Variants in BCAS3 observed in about 807,000 individuals in gnomAD.
BCAS3 encodes the protein BCAS4/BCAS3 fusion.
BCAS3 carries 53 observed loss-of-function variants against 116.1 expected under a neutral mutation model. The ratio of observed to expected loss-of-function variants is 0.46; its 90% CI spans 0.37 to 0.57. The LOEUF (loss-of-function observed/expected upper bound fraction) is 0.57, where lower values mean the gene tolerates loss of function less well. Among genes scored for constraint, BCAS3 ranks in the 20% least tolerant of loss-of-function variants. The probability of loss-of-function intolerance (pLI) is 0.00; values close to 1 mark genes in which losing one functional copy is unlikely to be tolerated. For missense variants in BCAS3, 917 were observed against 1,165.4 expected (o/e 0.79, Z 3.10); for synonymous variants, 391 against 408.2 (o/e 0.96, Z 0.51).
At chr17:60,943,930 A>G (rs1323254797) in intron 13 of BCAS3, among the ~76,000 whole-genome samples, 1 of 152,130 alleles carries the variant, frequency 6.6e-6, no homozygotes, top group Non-Finnish European at 1.5e-5. Flanking sequence ...AACATTTAAA[A>G]CTGAATATAA....
In BCAS3 at chr17:61,307,504, A is replaced by G. The variant is rs2053943494; in HGVS notation, c.2426-60823A>G. On this transcript the variant is annotated intron_variant, in intron 22 of 23. Coordinates refer to ENST00000407086, the MANE Select transcript of BCAS3 (RefSeq NM_017679.5). The surrounding 1 kb of genome is among the most constrained non-coding windows in gnomAD (Gnocchi z 4.7). ...TTCACTAGCTTTTAACCAACATGTA[A>G]GCACTCCCCTTTAAACTGTGTCTTC... 6.6e-6 allele frequency among the ~76,000 whole-genome samples: 1 copy of G among 152,220 alleles called. No individual in the cohort carries two copies. The highest frequency in any genetic ancestry group is 2.4e-5 in the African/African-American group (1 of 41,460).
chr17:60,787,221 A>T (rs967047445), intron 6 of BCAS3, among the ~76,000 whole-genome samples: 1 of 152,212 alleles, frequency 6.6e-6, no homozygotes, highest in Admixed American at 6.5e-5. Flanking sequence ...ACAAATGTGT[A>T]TACAGTTGTA....
Position 61,198,281 on chromosome 17 carries a change from C to T in BCAS3, c.2425+113717C>T, listed in dbSNP as rs764589871. ...TCAGCCTCCCAAGTAGCTGGGACTA[C>T]AGGCGCCAGCCACCACACCCAGCTA... On this transcript the variant is annotated intron_variant, in intron 22 of 23. Coordinates refer to ENST00000407086, the MANE Select transcript of BCAS3 (RefSeq NM_017679.5). This position sits in a 1 kb window ranked among gnomAD's most constrained non-coding sequence, Gnocchi z 5.0. Among the ~76,000 whole-genome samples, 1 of 151,998 alleles carries T rather than the reference C, an allele frequency of 6.6e-6. No homozygotes were observed. The highest frequency in any genetic ancestry group is 1.5e-5 in the Non-Finnish European group (1 of 68,010).
chr17:60,703,831 G>A (rs796661715), intron 4 of BCAS3, among the ~76,000 whole-genome samples: 7 of 151,210 alleles, frequency 4.6e-5, no homozygotes, highest in African/African-American at 1.5e-4. Context: ...GGAGAATGGC[G>A]TGAACCCGAG....
At chr17:60,747,901 A>G (rs1179470125) in intron 6 of BCAS3, among the ~76,000 whole-genome samples, 1 of 152,030 alleles carries the variant, frequency 6.6e-6, no homozygotes, top group Non-Finnish European at 1.5e-5. Flanking sequence ...AAAAATTCAA[A>G]TATGTGTTTG....
intron 22 of BCAS3, among the ~76,000 whole-genome samples, chr17:61,086,297 T>C (rs942484605): frequency 1.4e-4 from 21 of 152,190 alleles, no homozygotes; most frequent in Admixed American, 6.5e-5. Context: ...TTCACCTTGT[T>C]GGTCAGGCTA....
intron 22 of BCAS3, among the ~76,000 whole-genome samples, chr17:61,308,389 GC>G (rs2054025253): frequency 8.3e-5 from 1 of 12,056 alleles, no homozygotes; most frequent in East Asian, 2.2e-3. Context: ...CCCCCTCACC[GC>G]CCCCTCTAGT....
intron 15 of BCAS3, among the ~76,000 whole-genome samples, chr17:61,005,991 C>T (rs1020398830): frequency 7.9e-5 from 12 of 151,912 alleles, no homozygotes; most frequent in African/African-American, 2.7e-4. Flanking sequence ...TGTTCCCTTT[C>T]CTGTGTCCAT....
chr17:60,744,012 C>G (rs186006596), intron 5 of BCAS3, among the ~76,000 whole-genome samples: 1 of 152,124 alleles, frequency 6.6e-6, no homozygotes, highest in Admixed American at 6.5e-5. Context: ...CAAACTGGTA[C>G]GTCCGGTTTA....
chr17:61,191,172 G>A (rs2080089532), intron 22 of BCAS3, among the ~76,000 whole-genome samples: 1 of 152,050 alleles, frequency 6.6e-6, no homozygotes, highest in Non-Finnish European at 1.5e-5. Flanking sequence ...AGGCTGATGT[G>A]GGAGGACTGC....
At chr17:60,979,363 G>T (rs2062638490) in intron 14 of BCAS3, among the ~76,000 whole-genome samples, 2 of 148,228 alleles carry the variant, frequency 1.3e-5, no homozygotes, top group South Asian at 4.2e-4. Flanking sequence ...TGTATCCTGA[G>T]ACTTTGCTGA....
chr17:60,721,596 C>G (rs1229420759), intron 5 of BCAS3, among the ~76,000 whole-genome samples: 1 of 152,104 alleles, frequency 6.6e-6, no homozygotes, highest in East Asian at 1.9e-4. Context: ...AAGTTGGACT[C>G]TTTCTTACTT....
chr17:60,680,676 C>T (rs1417894076), intron 2 of BCAS3, among the ~76,000 whole-genome samples: 2 of 151,514 alleles, frequency 1.3e-5, no homozygotes, highest in East Asian at 3.9e-4. Context: ...CACTCTGTTG[C>T]CCAGGTTGGA....
intron 7 of BCAS3, among the ~76,000 whole-genome samples, chr17:60,814,269 T>TTGTGTGTGTG (rs67077498): frequency 2.5e-4 from 34 of 134,918 alleles, no homozygotes; most frequent in Admixed American, 1.9e-3. Context: ...TCTTGGTATT[T>TTGTGTGTGTG]TGTGTGTGTG....
rs192683890 is a variant in BCAS3, at chr17:61,217,877, G to C, written c.2425+133313G>C. 6.6e-6 allele frequency among the ~76,000 whole-genome samples: 1 copy of C among 152,254 alleles called. No homozygotes were observed. Among genetic ancestry groups the C allele is most frequent in the Admixed American group, 6.5e-5 (1 of 15,300 alleles). ...AGCGTCGGACTTCTCTGTAACAACA[G>C]TCTTGGTGGCTGACTTTGTTGCTCC... is the stretch of plus-strand genomic sequence containing the variant. On this transcript the variant is annotated intron_variant, in intron 22 of 23. Coordinates refer to ENST00000407086, the MANE Select transcript of BCAS3 (RefSeq NM_017679.5). This position sits in a 1 kb window ranked among gnomAD's most constrained non-coding sequence, Gnocchi z 5.2.
chr17:60,918,532 T>C (rs900974413), intron 12 of BCAS3, among the ~76,000 whole-genome samples: 2 of 152,184 alleles, frequency 1.3e-5, no homozygotes, highest in Admixed American at 6.5e-5. Context: ...TTAGAACTTA[T>C]TCCTTTGATC....
At chr17:60,811,061 T>C in intron 7 of BCAS3, 1 of 639,170 alleles carries the variant, frequency 1.6e-6, no homozygotes. Flanking sequence ...CTCATGGAGC[T>C]GAGACGTACA....
intron 19 of BCAS3, among the ~76,000 whole-genome samples, chr17:61,060,325 C>T (rs968641554): frequency 1.3e-4 from 20 of 150,442 alleles, no homozygotes; most frequent in South Asian, 8.4e-4. Context: ...TTAGTAGAGA[C>T]GGGGTTTCAC....
chr17:60,898,948 C>T (rs555233198), intron 10 of BCAS3, among the ~76,000 whole-genome samples: 3 of 152,110 alleles, frequency 2.0e-5, no homozygotes, highest in Admixed American at 6.5e-5. Flanking sequence ...CAACCTCAGA[C>T]CCCCTGGAGG....
Sources: gnomAD v4.1 joint callset for allele counts (sites outside exome capture counted in the v4.1 genomes callset) on GRCh38, gnomAD v4.1.1 for gene constraint, Gnocchi (gnomAD v3.1) non-coding constraint, MANE v1.5 for transcripts, NCBI Gene and HGNC (gene_info 2026-07-23, HGNC 2026-07-21) for gene names.